The following PPM1L variants were observed in gnomAD, a reference collection of about 807,000 sequenced individuals.
The protein encoded by PPM1L is protein phosphatase 1L.
PPM1L carries 13 observed loss-of-function variants against 31.4 expected under a neutral mutation model. The ratio of observed to expected loss-of-function variants is 0.41; its 90% CI spans 0.27 to 0.66. The LOEUF (loss-of-function observed/expected upper bound fraction) is 0.66. PPM1L is among the 30% of genes least tolerant of loss of function. The probability of loss-of-function intolerance (pLI) is 0.29; values close to 1 mark genes in which losing one functional copy is unlikely to be tolerated. For missense variants in PPM1L, 326 were observed against 453.7 expected (o/e 0.72, Z 2.56); for synonymous variants, 184 against 175.4 (o/e 1.05, Z -0.39).
chr3:160,760,833 T>A (rs1456273726), intron 1 of PPM1L, among the ~76,000 whole-genome samples: 1 of 152,148 alleles, frequency 6.6e-6, no homozygotes, highest in African/African-American at 2.4e-5. Context: ...GTGCTCCATA[T>A]GTTCATGAGC....
chr3:160,954,604 T>TCCGC (rs1175405181), intron 1 of PPM1L, among the ~76,000 whole-genome samples: 1 of 152,060 alleles, frequency 6.6e-6, no homozygotes, highest in African/African-American at 2.4e-5. Context: ...GCTCAAATGA[T>TCCGC]CCGCCCACCT....
intron 1 of PPM1L, among the ~76,000 whole-genome samples, chr3:160,802,708 T>C (rs543210832): frequency 6.3e-4 from 96 of 152,338 alleles, no homozygotes; most frequent in African/African-American, 2.2e-3. Context: ...TGTGGTATAG[T>C]AGAAAGAGCA....
At chr3:160,902,840 C>T (rs905371614) in intron 1 of PPM1L, among the ~76,000 whole-genome samples, 7 of 151,724 alleles carry the variant, frequency 4.6e-5, no homozygotes, top group African/African-American at 1.7e-4. Context: ...GATACATACA[C>T]CCATTAAGAT....
At chr3:160,775,878 T>G (rs1269260834) in intron 1 of PPM1L, among the ~76,000 whole-genome samples, 3 of 152,206 alleles carry the variant, frequency 2.0e-5, no homozygotes, top group Non-Finnish European at 1.5e-5. Context: ...TGGGGAAATG[T>G]AAATGAACCA....
At chr3:161,068,047 G>C (rs912252295) in intron 3 of PPM1L, among the ~76,000 whole-genome samples, 4 of 152,212 alleles carry the variant, frequency 2.6e-5, no homozygotes, top group African/African-American at 9.7e-5. Context: ...CTTCCATGGA[G>C]TAGGTATTTA....
chr3:160,772,279 A>G (rs1008619519), intron 1 of PPM1L, among the ~76,000 whole-genome samples: 5 of 152,218 alleles, frequency 3.3e-5, no homozygotes, highest in Non-Finnish European at 7.3e-5. Flanking sequence ...TATGTAATGC[A>G]AACAGATTTA....
intron 1 of PPM1L, among the ~76,000 whole-genome samples, chr3:160,914,727 G>T (rs1422296297): frequency 2.0e-5 from 3 of 152,166 alleles, no homozygotes; most frequent in Non-Finnish European, 4.4e-5. Context: ...CTTTGCTATT[G>T]TGAATAGTGC....
At chr3:160,893,610 A>G (rs1312933071) in intron 1 of PPM1L, among the ~76,000 whole-genome samples, 1 of 152,224 alleles carries the variant, frequency 6.6e-6, no homozygotes, top group Admixed American at 6.5e-5. Context: ...TAAATTGGTC[A>G]GTCGTCCCAA....
Position 160,879,932 on chromosome 3 carries a change from G to T in PPM1L, c.400-81804G>T, listed in dbSNP as rs115217597. Among the ~76,000 whole-genome samples the T allele has an allele frequency of 3.2e-3, 494 of 152,254 alleles. 1 individual carries two copies. Among genetic ancestry groups the T allele is most frequent in the Non-Finnish European group, 4.6e-3 (316 of 68,018 alleles). Reference sequence around the variant, plus strand: ...CTGCAGTATGATTGCCGTGTGTTGAGATGATGCTTCCTTTCATCATTCACC... The same window carrying T: ...CTGCAGTATGATTGCCGTGTGTTGATATGATGCTTCCTTTCATCATTCACC... On this transcript the variant is annotated intron_variant, in intron 1 of 3. Transcript: ENST00000498165.
intron 2 of PPM1L, among the ~76,000 whole-genome samples, chr3:160,964,031 A>G (rs1281398374): frequency 1.3e-5 from 2 of 152,076 alleles, no homozygotes; most frequent in Non-Finnish European, 2.9e-5. Flanking sequence ...ATAATCTCAC[A>G]TGATAATAAT....
At chr3:160,960,800 A>G (rs1715938653) in intron 1 of PPM1L, among the ~76,000 whole-genome samples, 1 of 152,130 alleles carries the variant, frequency 6.6e-6, no homozygotes, top group Non-Finnish European at 1.5e-5. Flanking sequence ...TCACTTAATT[A>G]TGCTCATAAA....
intron 2 of PPM1L, among the ~76,000 whole-genome samples, chr3:161,038,220 C>T (rs1168146708): frequency 8.7e-6 from 1 of 115,462 alleles, no homozygotes; most frequent in Non-Finnish European, 1.6e-5. Context: ...GGCGACAGAG[C>T]GAGACTCCGT....
intron 1 of PPM1L, among the ~76,000 whole-genome samples, chr3:160,853,260 C>T (rs1402457153): frequency 6.6e-6 from 1 of 152,180 alleles, no homozygotes; most frequent in Non-Finnish European, 1.5e-5. Context: ...GAGATTAGGA[C>T]ATATACGTAA....
chr3:160,893,794 C>T (rs2108048233), intron 1 of PPM1L, among the ~76,000 whole-genome samples: 1 of 152,222 alleles, frequency 6.6e-6, no homozygotes, highest in Middle Eastern at 3.4e-3. Context: ...TACAGATGGT[C>T]CCTGACTTAT....
At chr3:160,873,870 G>T (rs1282411362) in intron 1 of PPM1L, among the ~76,000 whole-genome samples, 1 of 152,156 alleles carries the variant, frequency 6.6e-6, no homozygotes, top group African/African-American at 2.4e-5. Flanking sequence ...AAATGGACTT[G>T]CATCATGGAT....
intron 1 of PPM1L, among the ~76,000 whole-genome samples, chr3:160,910,412 C>G (rs527451572): frequency 6.6e-6 from 1 of 151,490 alleles, no homozygotes; most frequent in Non-Finnish European, 1.5e-5. Flanking sequence ...TCCCAGGTTC[C>G]GGTGATTGTC....
At chr3:160,928,703 AC>A (rs1714682005) in intron 1 of PPM1L, among the ~76,000 whole-genome samples, 1 of 152,064 alleles carries the variant, frequency 6.6e-6, no homozygotes, top group Non-Finnish European at 1.5e-5. Context: ...GGGACTAGTG[AC>A]CTTATAAGAG....
chr3:160,781,459 G>A (rs1313495858), intron 1 of PPM1L, among the ~76,000 whole-genome samples: 1 of 152,110 alleles, frequency 6.6e-6, no homozygotes, highest in East Asian at 1.9e-4. Flanking sequence ...GAAGTCCATG[G>A]AAACCAAAAA....
At chr3:160,865,045 T>C (rs77516041) in intron 1 of PPM1L, among the ~76,000 whole-genome samples, 1 of 151,594 alleles carries the variant, frequency 6.6e-6, no homozygotes, top group Non-Finnish European at 1.5e-5. Flanking sequence ...AAAACAAAAT[T>C]TAAAAATTCT....
Sources: gnomAD v4.1 joint callset for allele counts (sites outside exome capture counted in the v4.1 genomes callset) on GRCh38, gnomAD v4.1.1 for gene constraint, MANE v1.5 for transcripts, NCBI Gene and HGNC (gene_info 2026-07-23, HGNC 2026-07-21) for gene names.